The following PTPRN2 variants were observed in gnomAD, a reference collection of about 807,000 sequenced individuals.
The protein encoded by PTPRN2 is receptor-type tyrosine-protein phosphatase N2.
PTPRN2 carries 74 observed loss-of-function variants against 118.8 expected under a neutral mutation model. That is an observed-to-expected ratio of 0.62 (90% CI 0.52 to 0.76). The LOEUF (loss-of-function observed/expected upper bound fraction) is 0.76, where lower values mean the gene tolerates loss of function less well. PTPRN2 is among the 30% of genes least tolerant of loss of function. The probability of loss-of-function intolerance (pLI) is 0.00; values close to 1 mark genes in which losing one functional copy is unlikely to be tolerated. For missense variants in PTPRN2, 1,481 were observed against 1,394.4 expected (o/e 1.06, Z -0.99); for synonymous variants, 641 against 608.0 (o/e 1.05, Z -0.80).
intron 4 of PTPRN2, among the ~76,000 whole-genome samples, chr7:158,193,218 A>G (rs1825922153): frequency 6.6e-6 from 1 of 152,186 alleles, no homozygotes; most frequent in Non-Finnish European, 1.5e-5. Flanking sequence ...AGGGCCAGCG[A>G]GGACAAGGCC....
At chr7:157,589,562 GCCT>G (rs1423986353) in intron 17 of PTPRN2, among the ~76,000 whole-genome samples, 1 of 152,226 alleles carries the variant, frequency 6.6e-6, no homozygotes, top group African/African-American at 2.4e-5. Flanking sequence ...CTGATATTCA[GCCT>G]CCTCCCTAAG....
At chr7:158,582,796 C>CAAAAA (rs1156687117) in intron 1 of PTPRN2, among the ~76,000 whole-genome samples, 20 of 44,270 alleles carry the variant, frequency 4.5e-4, no homozygotes, top group Admixed American at 1.9e-3. Flanking sequence ...GACTCCATCT[C>CAAAAA]AAAAAAAAAA....
rs190041836 is a variant in PTPRN2 at position 157,547,736 on chromosome 7, T to A, written c.2976+1210A>T. On this transcript the variant is annotated intron_variant, in intron 22 of 22. Coordinates refer to ENST00000389418, the MANE Select transcript of PTPRN2 (RefSeq NM_002847.5). ...ACACACACGCCTCAGTGGGTGTAGA[T>A]GTGCCGCTCCCTCGTGAGGGACAGT... Among the ~76,000 whole-genome samples the A allele has an allele frequency of 2.2e-4, 33 of 152,238 alleles. No individual in the cohort carries two copies. In the East Asian group the frequency reaches 6.4e-3, roughly 30 times the overall value.
At chr7:157,900,191 G>A (rs551765483) in intron 11 of PTPRN2, among the ~76,000 whole-genome samples, 1 of 152,308 alleles carries the variant, frequency 6.6e-6, no homozygotes, top group Non-Finnish European at 1.5e-5. Context: ...CCTGTGAAGG[G>A]CAGGTAACAA....
chr7:158,372,885 G>A (rs1272642769), intron 2 of PTPRN2, among the ~76,000 whole-genome samples: 1 of 152,120 alleles, frequency 6.6e-6, no homozygotes, highest in Non-Finnish European at 1.5e-5. Flanking sequence ...CAGCACCCAG[G>A]GTCCAAGCAG....
chr7:158,407,104 C>CCCTGGGTCCTGCGTCCTGGGT (rs1172270883), intron 2 of PTPRN2, among the ~76,000 whole-genome samples: 5 of 151,004 alleles, frequency 3.3e-5, no homozygotes, highest in Non-Finnish European at 3.0e-5. Flanking sequence ...ACAAGCCCAG[C>CCCTGGGTCCTGCGTCCTGGGT]CCTGGGTCCT....
At chr7:157,925,239 G>T (rs1798908046) in intron 11 of PTPRN2, among the ~76,000 whole-genome samples, 2 of 147,384 alleles carry the variant, frequency 1.4e-5, no homozygotes, top group African/African-American at 5.0e-5. Context: ...ATGTAGTCAG[G>T]ATGCAGGCAC....
At chr7:158,363,570 G>T (rs1009528391) in intron 2 of PTPRN2, among the ~76,000 whole-genome samples, 1 of 152,150 alleles carries the variant, frequency 6.6e-6, no homozygotes, top group African/African-American at 2.4e-5. Context: ...AGTCTTGATC[G>T]TCACATTTCC....
At position 157,583,583 on chromosome 7, in the gene PTPRN2, T is replaced by G. The variant is rs1041034734; in HGVS notation, c.2497-5443A>C. Among the ~76,000 whole-genome samples the G allele has an allele frequency of 6.6e-6, 1 of 152,054 alleles. No homozygotes were observed. Among genetic ancestry groups the G allele is most frequent in the African/African-American group, 2.4e-5 (1 of 41,402 alleles). On this transcript the variant is annotated intron_variant, in intron 17 of 22. Transcript: ENST00000389418. The surrounding 1 kb of genome is among the most constrained non-coding windows in gnomAD (Gnocchi z 5.5). ...ACATCAGGCTGTACACCTTAAACAT[T>G]TACAATTAAAAACAACTCGACCGGG...
At chr7:157,916,103 T>C (rs988375074) in intron 11 of PTPRN2, among the ~76,000 whole-genome samples, 8 of 152,248 alleles carry the variant, frequency 5.3e-5, no homozygotes, top group African/African-American at 1.9e-4. Context: ...TATTCAGTGT[T>C]TTATGGAATC....
chr7:158,275,151 T>C (rs554124532), intron 3 of PTPRN2, among the ~76,000 whole-genome samples: 162 of 152,322 alleles, frequency 1.1e-3, no homozygotes, highest in African/African-American at 3.2e-3. Context: ...CTCAAGCCAG[T>C]GGCCAAGCCT....
intron 2 of PTPRN2, among the ~76,000 whole-genome samples, chr7:158,445,939 C>A (rs780069490): frequency 3.3e-5 from 5 of 152,194 alleles, no homozygotes; most frequent in African/African-American, 1.2e-4. Context: ...GGTGAGCCCT[C>A]GGACCACCGC....
At chr7:158,434,919 C>T (rs1816473595) in intron 2 of PTPRN2, among the ~76,000 whole-genome samples, 1 of 152,104 alleles carries the variant, frequency 6.6e-6, no homozygotes, top group Non-Finnish European at 1.5e-5. Context: ...CAAAATTGGA[C>T]CGTTACCTTA....
At chr7:158,127,482 C>T (rs984557419) in intron 9 of PTPRN2, among the ~76,000 whole-genome samples, 5 of 152,172 alleles carry the variant, frequency 3.3e-5, no homozygotes, top group African/African-American at 4.8e-5. Context: ...TCGGGGCTGC[C>T]GTGGGACCCT....
At chr7:157,798,374 T>A (rs1805006179) in intron 12 of PTPRN2, among the ~76,000 whole-genome samples, 1 of 152,358 alleles carries the variant, frequency 6.6e-6, no homozygotes, top group East Asian at 1.9e-4. Context: ...CAAGGATGCC[T>A]CTGTGACCTT....
At chr7:158,147,300 C>T (rs1246048608) in intron 6 of PTPRN2, among the ~76,000 whole-genome samples, 2 of 104,026 alleles carry the variant, frequency 1.9e-5, no homozygotes, top group Admixed American at 8.7e-5. Context: ...CCTTCAATGA[C>T]ACCCCATCTC....
chr7:157,788,382 A>G (rs1804212651), intron 12 of PTPRN2, among the ~76,000 whole-genome samples: 1 of 151,662 alleles, frequency 6.6e-6, no homozygotes, highest in Admixed American at 6.6e-5. Context: ...CTCAAAAAAA[A>G]AAAAAAAAAA....
At chr7:158,334,035 C>T (rs1406375533) in intron 2 of PTPRN2, among the ~76,000 whole-genome samples, 1 of 16,058 alleles carries the variant, frequency 6.2e-5, no homozygotes, top group African/African-American at 1.9e-4. Context: ...CACACTCACA[C>T]TCTAGCCATA....
chr7:158,394,859 T>C (rs1812216402), intron 2 of PTPRN2, among the ~76,000 whole-genome samples: 1 of 152,190 alleles, frequency 6.6e-6, no homozygotes, highest in Non-Finnish European at 1.5e-5. Flanking sequence ...ATTTACCGTG[T>C]GCCCAAAAGA....
Sources: gnomAD v4.1 joint callset for allele counts (sites outside exome capture counted in the v4.1 genomes callset) on GRCh38, gnomAD v4.1.1 for gene constraint, Gnocchi (gnomAD v3.1) non-coding constraint, MANE v1.5 for transcripts, NCBI Gene and HGNC (gene_info 2026-07-23, HGNC 2026-07-21) for gene names.